RERGL: variants seen among roughly 807,000 people sequenced by gnomAD.
RERGL encodes RERG like.
RERGL carries 22 observed loss-of-function variants against 24.7 expected under a neutral mutation model. The observed-to-expected ratio is 0.89, with a 90% CI of 0.64 to 1.27. The LOEUF is 1.27. Among genes scored for constraint, RERGL ranks in the 50% most tolerant of loss-of-function variants. The probability of loss-of-function intolerance (pLI) is 0.00; values close to 1 mark genes in which losing one functional copy is unlikely to be tolerated. For synonymous variants in RERGL, 76 were observed against 82.6 expected (o/e 0.92, Z 0.43); for missense variants, 259 against 235.3 (o/e 1.10, Z -0.66).
intron 3 of RERGL, among the ~76,000 whole-genome samples, chr12:18,084,958 T>G (rs1947206140): frequency 6.6e-6 from 1 of 151,772 alleles, no homozygotes; most frequent in African/African-American, 2.4e-5. Context: ...AATTGTCTTT[T>G]GAATAATATC....
At chr12:18,085,782 A>T in intron 2 of RERGL, 89 bp from the exon 3 acceptor site, 2 of 641,090 alleles carry the variant, frequency 3.1e-6, no homozygotes, top group Non-Finnish European at 5.5e-6. Flanking sequence ...GTGGAATCGT[A>T]TTGTGCTCTT....
Position 18,083,597 on chromosome 12 carries a change from T to C in RERGL, c.332+920A>G, listed in dbSNP as rs145678163. ...AGCTCTAGAGATTAAAGTGGCTTAC[T>C]TAAGGCAAATCAAAGGAAAGCAAGA... On this transcript the variant is annotated intron_variant, in intron 4 of 4. Coordinates refer to ENST00000538724, the MANE Select transcript of RERGL (RefSeq NM_001286201.2). Among the ~76,000 whole-genome samples, 260 of 152,222 alleles carry C rather than the reference T, an allele frequency of 1.7e-3. 2 individuals are homozygous for C. Among genetic ancestry groups the C allele is most frequent in the African/African-American group, 5.9e-3 (247 of 41,566 alleles).
rs114660747 is a variant in RERGL at position 18,087,111 on chromosome 12, A to G, written c.110-1418T>C. ...TGCTAACACTCTAGTCTCGACCACCATCATTACTTGCCTAATTTATCACAA... is the reference window on the plus strand; with the variant it reads ...TGCTAACACTCTAGTCTCGACCACCGTCATTACTTGCCTAATTTATCACAA... On this transcript the variant is annotated intron_variant, in intron 2 of 4. Coordinates refer to ENST00000538724, the MANE Select transcript of RERGL (RefSeq NM_001286201.2). 9.3e-3 allele frequency among the ~76,000 whole-genome samples: 1,412 copies of G among 152,230 alleles called. 20 individuals are homozygous for G. Among genetic ancestry groups the G allele is most frequent in the African/African-American group, 0.032 (1,347 of 41,528 alleles).
intron 1 of RERGL, chr12:18,089,228 C>G (rs1170497687): frequency 3.1e-6 from 5 of 1,606,950 alleles, no homozygotes; most frequent in Non-Finnish European, 4.2e-6. Flanking sequence ...AGGCCACTTA[C>G]CTTTTGTAAC....
At chr12:18,089,258 T>C (rs1156588983) in intron 1 of RERGL, 10 of 1,608,158 alleles carry the variant, frequency 6.2e-6, no homozygotes, top group African/African-American at 2.7e-5. Flanking sequence ...TTTCTCATTA[T>C]ATTTGAGATG....
intron 1 of RERGL, 127 bp downstream of exon 1, chr12:18,089,962 A>G (rs1372336851): frequency 1.6e-6 from 1 of 622,598 alleles, no homozygotes; most frequent in Admixed American, 3.7e-5. Context: ...TCCCAGTGAG[A>G]TAATGTTATT....
intron 2 of RERGL, among the ~76,000 whole-genome samples, chr12:18,086,975 A>C (rs1296370706): frequency 2.0e-5 from 3 of 152,184 alleles, no homozygotes; most frequent in Non-Finnish European, 2.9e-5. Flanking sequence ...AAAAAACCCT[A>C]GGATTATCCT....
At chr12:18,081,578 G>GA (rs1947173777) in intron 4 of RERGL, 105 bp from the exon 5 acceptor site, 4 of 1,079,366 alleles carry the variant, frequency 3.7e-6, no homozygotes, top group Non-Finnish European at 5.1e-6. Flanking sequence ...AATCAAAAAA[G>GA]AAAAAATATT....
chr12:18,086,728 C>T (rs1947225586), intron 2 of RERGL, among the ~76,000 whole-genome samples: 3 of 152,218 alleles, frequency 2.0e-5, no homozygotes, highest in South Asian at 4.1e-4. Context: ...CTCTTCTAGT[C>T]CCAGGCCTTT....
At chr12:18,083,101 G>A (rs1947188558) in intron 4 of RERGL, among the ~76,000 whole-genome samples, 1 of 152,016 alleles carries the variant, frequency 6.6e-6, no homozygotes, top group African/African-American at 2.4e-5. Flanking sequence ...TAAAAATGTT[G>A]CTAAGGTCTT....
At chr12:18,089,986 CATATATATGAA>C (rs1947254806) in intron 1 of RERGL, 92 bp downstream of exon 1, 6 of 744,804 alleles carry the variant, frequency 8.1e-6, no homozygotes, top group Non-Finnish European at 1.2e-5. Context: ...GATATATTTT[CATATATATGAA>C]ATATATATGA....
Position 18,086,642 on chromosome 12 carries a change from G to A in RERGL, c.110-949C>T, listed in dbSNP as rs574983299. ...AATCTTTTTTTGTTCACCTCTCCCC[G>A]CCCCCACTGACTTCTCACATTTCAA... is the stretch of plus-strand genomic sequence containing the variant. On this transcript the variant is annotated intron_variant, in intron 2 of 4. Coordinates refer to ENST00000538724, the MANE Select transcript of RERGL (RefSeq NM_001286201.2). Among the ~76,000 whole-genome samples the A allele has an allele frequency of 2.6e-5, 4 of 151,394 alleles. No homozygotes were observed. The South Asian group carries it at 8.4e-4, about 32-fold the overall frequency.
At chr12:18,089,483 C>G in intron 1 of RERGL, 2 of 722,382 alleles carry the variant, frequency 2.8e-6, no homozygotes, top group Non-Finnish European at 2.0e-6. Flanking sequence ...TCTTTAGGCT[C>G]AAGTGACCCT....
rs577392565 is a variant in RERGL, at chr12:18,080,955, G to A, written c.*236C>T. The A allele has an allele frequency of 2.9e-5, 10 of 341,790 alleles. No homozygotes were observed. Among genetic ancestry groups the A allele is most frequent in the African/African-American group, 2.1e-4 (10 of 48,408 alleles). 21.2% of individuals were successfully genotyped at this position (341,790 alleles called of 1,614,324 possible). On this transcript the variant is annotated 3_prime_UTR_variant, in exon 5 of 5. Transcript: ENST00000538724. ...TCGCTGTCCGCCAGTAGGTTAGGGT[G>A]AGTGTGATGTTGTACAATAAATGAA... is the stretch of plus-strand genomic sequence containing the variant.
chr12:18,087,635 A>G (rs968217342), intron 2 of RERGL, among the ~76,000 whole-genome samples: 1 of 152,118 alleles, frequency 6.6e-6, no homozygotes, highest in Non-Finnish European at 1.5e-5. Context: ...TTTATTTTTC[A>G]TCGAGAGGTA....
At chr12:18,082,042 A>G (rs1032756292) in intron 4 of RERGL, among the ~76,000 whole-genome samples, 30 of 151,704 alleles carry the variant, frequency 2.0e-4, no homozygotes, top group African/African-American at 7.0e-4. Context: ...CAGGAGGCTG[A>G]GGCAGGAGAA....
chr12:18,085,079 C>A (rs1410087729), intron 3 of RERGL, among the ~76,000 whole-genome samples: 1 of 152,032 alleles, frequency 6.6e-6, no homozygotes, highest in Non-Finnish European at 1.5e-5. Context: ...AAGGGTTTAG[C>A]TAAAATATTT....
chr12:18,081,444 C>G lies in RERGL; in HGVS notation c.362G>C (p.Gly121Ala). 1 of 1,611,548 alleles carries G rather than the reference C, an allele frequency of 6.2e-7. No homozygotes were observed. Among genetic ancestry groups the G allele is most frequent in the East Asian group, 2.2e-5 (1 of 44,802 alleles). The change falls in exon 5 of 5, where the codon GGC (glycine) becomes GCC (alanine). Residue 121 changes from glycine to alanine, a missense_variant. Transcript: ENST00000538724. ...CACATGACAAAGATCTCGTTTGTTG[C>G]CAACCAAAAACACTGCTGATTCCAC... ...RAVESAVFLV[G>A]NKRDLCHVRE...
At position 18,084,607 on chromosome 12, in the gene RERGL, A is replaced by G. The variant is rs770715878; in HGVS notation, c.242T>C (p.Ile81Thr). The change falls in exon 4 of 5, where the codon ATT becomes ACT. Residue 81 changes from isoleucine to threonine, a missense_variant. Physicochemically the swap from Ile to Thr is moderately conservative, Grantham distance 89. Coordinates refer to ENST00000538724, the MANE Select transcript of RERGL (RefSeq NM_001286201.2). ...SELHWADGFV[I>T]VYDISDRSSF... ...AGACCTATCACTGATGTCATACACA[A>G]TAACAAACCCATCTGCCCAGTGAAG... is the stretch of plus-strand genomic sequence containing the variant. 90 of 1,612,746 alleles carry G rather than the reference A, an allele frequency of 5.6e-5. No homozygotes were observed. The highest frequency in any genetic ancestry group is 1.3e-4 in the Admixed American group (8 of 59,788).
Sources: gnomAD v4.1 joint callset for allele counts (sites outside exome capture counted in the v4.1 genomes callset) on GRCh38, gnomAD v4.1.1 for gene constraint, MANE v1.5 for transcripts, NCBI Gene and HGNC (gene_info 2026-07-23, HGNC 2026-07-21) for gene names.